Variants in RBFOX1 observed in about 807,000 individuals in gnomAD.
RBFOX1 encodes RNA binding protein fox-1 homolog 1.
In RBFOX1, 8 loss-of-function variants were observed where a neutral mutation model predicts 57.7. The ratio of observed to expected loss-of-function variants is 0.14; its 90% CI spans 0.08 to 0.25. RBFOX1 has a LOEUF of 0.25. Among genes scored for constraint, RBFOX1 ranks in the 10% least tolerant of loss-of-function variants. RBFOX1 has a pLI of 1.00. For synonymous variants in RBFOX1, 326 were observed against 222.4 expected (o/e 1.47, Z -4.15); for missense variants, 611 against 548.5 (o/e 1.11, Z -1.14).
At chr16:6,704,581 A>C (rs6500811) in intron 3 of RBFOX1, 148,730 of 152,412 alleles carry the variant, frequency 0.98, 72,657 homozygotes, top group Middle Eastern at 1. Flanking sequence ...TATAATATGG[A>C]TGCTTTCTCC....
intron 3 of RBFOX1, among the ~76,000 whole-genome samples, chr16:7,028,230 C>T (rs1035790247): frequency 4.6e-5 from 7 of 151,984 alleles, no homozygotes; most frequent in South Asian, 2.1e-4. Context: ...CAGCTTTCTC[C>T]GTAATAGACA....
intron 1 of RBFOX1, among the ~76,000 whole-genome samples, chr16:5,378,766 A>C (rs943014157): frequency 1.3e-5 from 2 of 151,600 alleles, no homozygotes; most frequent in African/African-American, 4.9e-5. Context: ...AATGGGAGAT[A>C]ATGCTAATGC....
rs1226028037 is a variant in RBFOX1 at position 6,780,063 on chromosome 16, TTATA to T, written c.-16+125419_-16+125422del. Among the ~76,000 whole-genome samples the T allele has an allele frequency of 7.7e-5, 2 of 26,132 alleles. 1 individual carries two copies. The highest frequency in any genetic ancestry group is 4.4e-4 in the African/African-American group (2 of 4,594). The allele number at this position is 26,132 out of a possible 152,430, so 17.1% of individuals were successfully genotyped here. ...TATATATTTACATATTTATATATAT[TTATA>T]TATATTTACATATTTATATATATTT... On this transcript the variant is annotated intron_variant, in intron 3 of 15. Coordinates refer to ENST00000550418, the MANE Select transcript of RBFOX1 (RefSeq NM_018723.4).
chr16:7,546,184 A>G (rs886252661), intron 5 of RBFOX1, among the ~76,000 whole-genome samples: 1 of 152,012 alleles, frequency 6.6e-6, no homozygotes, highest in African/African-American at 2.4e-5. Context: ...AAAATCAGCC[A>G]GGCATGGTGG....
intron 3 of RBFOX1, among the ~76,000 whole-genome samples, chr16:6,886,377 C>A (rs893631556): frequency 3.3e-5 from 5 of 152,076 alleles, no homozygotes; most frequent in African/African-American, 9.6e-5. Flanking sequence ...AAGCACCTTA[C>A]GTGTGTGTCA....
chr16:6,646,806 G>A (rs1378042723), intron 2 of RBFOX1, among the ~76,000 whole-genome samples: 1 of 152,106 alleles, frequency 6.6e-6, no homozygotes, highest in Non-Finnish European at 1.5e-5. Flanking sequence ...AATTCAAGGA[G>A]AGTTTTTAGT....
chr16:6,441,091 C>T (rs558514226), intron 2 of RBFOX1, among the ~76,000 whole-genome samples: 7 of 151,990 alleles, frequency 4.6e-5, no homozygotes, highest in African/African-American at 1.2e-4. Context: ...TCATGGCGGA[C>T]GGAGAGGCAG....
intron 4 of RBFOX1, among the ~76,000 whole-genome samples, chr16:5,976,661 G>C (rs562600699): frequency 6.6e-6 from 1 of 152,234 alleles, no homozygotes; most frequent in South Asian, 2.1e-4. Flanking sequence ...TTGAGGTCAG[G>C]AGTTCGAGAC....
At chr16:7,427,895 C>G (rs755348150) in intron 4 of RBFOX1, among the ~76,000 whole-genome samples, 14 of 152,192 alleles carry the variant, frequency 9.2e-5, no homozygotes, top group South Asian at 6.2e-4. Flanking sequence ...CTCAGATGAT[C>G]TGCCTGCCTT....
intron 1 of RBFOX1, among the ~76,000 whole-genome samples, chr16:5,295,156 C>A (rs1442033761): frequency 2.6e-5 from 4 of 151,656 alleles, no homozygotes; most frequent in African/African-American, 9.7e-5. Context: ...ACATGCTTGA[C>A]ATGCCTGTGG....
intron 2 of RBFOX1, among the ~76,000 whole-genome samples, chr16:6,559,896 T>A (rs1186153861): frequency 1.3e-5 from 2 of 152,076 alleles, no homozygotes; most frequent in African/African-American, 4.8e-5. Flanking sequence ...GAACCTCTGG[T>A]TCCTTCCCTG....
At chr16:6,967,365 A>C (rs1362328008) in intron 3 of RBFOX1, among the ~76,000 whole-genome samples, 1 of 152,142 alleles carries the variant, frequency 6.6e-6, no homozygotes, top group Non-Finnish European at 1.5e-5. Flanking sequence ...ATGTTCCTTG[A>C]GCAGGGAAGA....
chr16:6,780,258 T>C (rs2080589036), intron 3 of RBFOX1, among the ~76,000 whole-genome samples: 1 of 83,924 alleles, frequency 1.2e-5, no homozygotes, highest in South Asian at 4.4e-4. Flanking sequence ...TATATTTATA[T>C]ATATATTTAT....
At position 7,152,750 on chromosome 16, in the gene RBFOX1, T is replaced by A. The variant is rs369873762; in HGVS notation, c.27+100652T>A. On this transcript the variant is annotated intron_variant, in intron 4 of 15. Transcript: ENST00000550418. The stretch of plus-strand genomic sequence containing the variant: ...GACTCCTGGAAAAATAGTTTAGAAT[T>A]GTTCCTAATGGGGTCCAGGTACGAT... Among the ~76,000 whole-genome samples, 46 of 152,340 alleles carry A rather than the reference T, an allele frequency of 3.0e-4. No homozygotes were observed. In the East Asian group the frequency reaches 7.9e-3, roughly 26 times the overall value.
At chr16:6,301,941 C>T (rs1363302754) in intron 1 of RBFOX1, among the ~76,000 whole-genome samples, 3 of 152,108 alleles carry the variant, frequency 2.0e-5, no homozygotes, top group Admixed American at 6.5e-5. Context: ...CCTGAGGTTC[C>T]AAGGGGTCTG....
At chr16:6,313,686 C>T (rs1599527946) in intron 1 of RBFOX1, among the ~76,000 whole-genome samples, 2 of 152,158 alleles carry the variant, frequency 1.3e-5, no homozygotes, top group Admixed American at 1.3e-4. Context: ...GTTTCCTTCA[C>T]TTGCAGCTCT....
chr16:6,989,185 T>C (rs886393906), intron 3 of RBFOX1, among the ~76,000 whole-genome samples: 1 of 152,186 alleles, frequency 6.6e-6, no homozygotes, highest in Non-Finnish European at 1.5e-5. Flanking sequence ...CCTGAGCCAC[T>C]GTGCTTGGCC....
chr16:5,499,037 G>C (rs566293866), intron 2 of RBFOX1, among the ~76,000 whole-genome samples: 26 of 152,284 alleles, frequency 1.7e-4, no homozygotes, highest in Non-Finnish European at 3.1e-4. Context: ...GCAGGGCCTG[G>C]GATCTCAATA....
chr16:7,045,744 C>A (rs999881197), intron 3 of RBFOX1, among the ~76,000 whole-genome samples: 4 of 152,116 alleles, frequency 2.6e-5, no homozygotes, highest in African/African-American at 9.7e-5. Flanking sequence ...CTACCTCTGC[C>A]ACCCAGGTTC....
Sources: gnomAD v4.1 joint callset for allele counts (sites outside exome capture counted in the v4.1 genomes callset) on GRCh38, gnomAD v4.1.1 for gene constraint, MANE v1.5 for transcripts, NCBI Gene and HGNC (gene_info 2026-07-23, HGNC 2026-07-21) for gene names.